NT5DC1: variants seen among roughly 807,000 people sequenced by gnomAD.
NT5DC1 encodes 5'-nucleotidase domain containing 1, also known as 5'-nucleotidase domain-containing protein 1.
A neutral mutation model predicts 59.4 loss-of-function variants in NT5DC1; 42 were observed. The observed-to-expected ratio is 0.71, with a 90% CI of 0.55 to 0.92. The LOEUF is 0.92. Ranked by LOEUF, NT5DC1 falls within the 40% of genes least tolerant of loss-of-function variation. NT5DC1 has a pLI of 0.00. For synonymous variants in NT5DC1, 172 were observed against 188.1 expected, an observed-to-expected ratio of 0.91 and a Z score of 0.70; for missense variants, 501 against 537.1, an observed-to-expected ratio of 0.93 and a Z score of 0.66.
intron 6 of NT5DC1, among the ~76,000 whole-genome samples, chr6:116,160,779 T>A (rs569808045): frequency 3.4e-4 from 52 of 152,348 alleles, no homozygotes; most frequent in African/African-American, 1.2e-3. Context: ...GCCTTTAATC[T>A]ATCTTCAGTT....
intron 6 of NT5DC1, among the ~76,000 whole-genome samples, chr6:116,154,823 G>A (rs539840822): frequency 1.4e-4 from 21 of 152,226 alleles, no homozygotes; most frequent in Non-Finnish European, 2.6e-4. Context: ...GAGGCATCTT[G>A]TTACTTTCTT....
intron 6 of NT5DC1, chr6:116,119,412 T>C (rs1779038440): frequency 2.0e-5 from 3 of 152,536 alleles, no homozygotes; most frequent in African/African-American, 7.2e-5. Context: ...AAAAGGTTCA[T>C]TGATGAAAGC....
At chr6:116,109,317 G>C (rs906165763) in intron 3 of NT5DC1, among the ~76,000 whole-genome samples, 1 of 152,158 alleles carries the variant, frequency 6.6e-6, no homozygotes, top group Non-Finnish European at 1.5e-5. Context: ...ACCTAGAGCA[G>C]GTGTAGCCCC....
rs1196521672 is a variant in NT5DC1 at position 116,243,893 on chromosome 6, T to A, written c.1253-16T>A. 4 of 1,042,364 alleles carry A rather than the reference T, an allele frequency of 3.8e-6. No individual in the cohort carries two copies. Among genetic ancestry groups the A allele is most frequent in the Non-Finnish European group, 5.8e-6 (4 of 684,898 alleles). 64.6% of individuals were successfully genotyped at this position (1,042,364 alleles called of 1,614,324 possible). ...CAGAGACCTGTGCAATAATTAAATT[T>A]TTTTTTCCTCCCCAGAATTACCTCT... On this transcript the variant is annotated splice_polypyrimidine_tract_variant and intron_variant, in intron 11 of 11. Transcript: ENST00000319550.
chr6:116,118,238 A>G (rs944278054), intron 6 of NT5DC1: 1 of 403,222 alleles, frequency 2.5e-6, no homozygotes, highest in Admixed American at 4.1e-5. Flanking sequence ...TTGCTTTTTC[A>G]TGGCCTGGGC....
intron 1 of NT5DC1, among the ~76,000 whole-genome samples, chr6:116,104,953 G>C: frequency 6.6e-6 from 1 of 152,038 alleles, no homozygotes; most frequent in South Asian, 2.1e-4. Flanking sequence ...GGAAGCTCTG[G>C]GTAGTTTTAA....
At position 116,247,562 on chromosome 6, in the gene NT5DC1, G is replaced by A. The variant is rs1771873627; in HGVS notation, c.*3538G>A. 6.6e-6 allele frequency: 1 copy of A among 152,050 alleles called. No homozygotes were observed. The highest frequency in any genetic ancestry group is 2.4e-5 in the African/African-American group (1 of 41,392). The allele number at this position is 152,050 out of a possible 1,614,324, so 9.4% of individuals were successfully genotyped here. On this transcript the variant is annotated 3_prime_UTR_variant, in exon 12 of 12. Coordinates refer to ENST00000319550, the MANE Select transcript of NT5DC1 (RefSeq NM_152729.3). ...GTATATCTGGGCCTATAGAGAAGTT[G>A]GGTCATTACTTAGAATGACAACTGG...
intron 6 of NT5DC1, among the ~76,000 whole-genome samples, chr6:116,159,264 A>T (rs1780275309): frequency 6.6e-6 from 1 of 152,140 alleles, no homozygotes; most frequent in African/African-American, 2.4e-5. Context: ...ATTTCACCGT[A>T]TGAGGTTTAT....
intron 6 of NT5DC1, among the ~76,000 whole-genome samples, chr6:116,207,161 A>G (rs1260729867): frequency 6.6e-6 from 1 of 151,994 alleles, no homozygotes; most frequent in Non-Finnish European, 1.5e-5. Context: ...ATTAATAACT[A>G]TACCTATTCC....
At chr6:116,225,011 G>C (rs890236022) in intron 8 of NT5DC1, among the ~76,000 whole-genome samples, 1 of 152,078 alleles carries the variant, frequency 6.6e-6, no homozygotes, top group Non-Finnish European at 1.5e-5. Context: ...CAGAGGGCTC[G>C]GTGATACTTA....
chr6:116,161,477 G>A (rs1443766644), intron 6 of NT5DC1, among the ~76,000 whole-genome samples: 1 of 152,062 alleles, frequency 6.6e-6, no homozygotes, highest in Non-Finnish European at 1.5e-5. Flanking sequence ...TTTCCCAGCA[G>A]TATTTATTGA....
chr6:116,185,014 C>G (rs1780965467), intron 6 of NT5DC1, among the ~76,000 whole-genome samples: 1 of 151,822 alleles, frequency 6.6e-6, no homozygotes, highest in South Asian at 2.1e-4. Flanking sequence ...GTGAACTTCC[C>G]TCTTAGCACT....
At chr6:116,222,575 C>T (rs541605785) in intron 7 of NT5DC1, among the ~76,000 whole-genome samples, 1 of 152,178 alleles carries the variant, frequency 6.6e-6, no homozygotes, top group Non-Finnish European at 1.5e-5. Flanking sequence ...GTCTTCTTCA[C>T]ATTTGAAGCA....
chr6:116,136,619 A>T (rs554416345), intron 6 of NT5DC1, among the ~76,000 whole-genome samples: 2 of 152,276 alleles, frequency 1.3e-5, no homozygotes, highest in East Asian at 3.9e-4. Flanking sequence ...ATTTGAGTCA[A>T]ATTTCATTTG....
At chr6:116,118,729 C>G (rs937079410) in intron 6 of NT5DC1, among the ~76,000 whole-genome samples, 3 of 152,144 alleles carry the variant, frequency 2.0e-5, no homozygotes, top group Non-Finnish European at 4.4e-5. Flanking sequence ...TCTTTCCCTC[C>G]CAGGAGAAAA....
Position 116,244,605 on chromosome 6 carries a change from A to C in NT5DC1, c.*581A>C, listed in dbSNP as rs947872625. ...TCTTTTATATGCCCTAGGAAAGTAC[A>C]ACCAGAATTGAAAACCAACTGATCT... On this transcript the variant is annotated 3_prime_UTR_variant, in exon 12 of 12. Transcript: ENST00000319550. 1.3e-5 allele frequency: 2 copies of C among 152,244 alleles called. No individual in the cohort carries two copies. The highest frequency in any genetic ancestry group is 2.9e-5 in the Non-Finnish European group (2 of 68,040). 9.4% of individuals were successfully genotyped at this position (152,244 alleles called of 1,614,324 possible). A position where few individuals can be genotyped will look rare whatever the true frequency, so the allele number is the denominator to read the frequency against.
chr6:116,121,748 T>A (rs771421027), intron 6 of NT5DC1: 1 of 1,613,806 alleles, frequency 6.2e-7, no homozygotes, highest in East Asian at 2.2e-5. Flanking sequence ...TTTTGGTCCA[T>A]ATGGTCCTCT....
intron 6 of NT5DC1, among the ~76,000 whole-genome samples, chr6:116,220,832 C>T (rs575442066): frequency 1.1e-3 from 131 of 124,142 alleles, no homozygotes; most frequent in African/African-American, 5.2e-3. Context: ...GTCAAATAGC[C>T]AGCGAATATT....
At chr6:116,113,076 C>G (rs1219871071) in intron 4 of NT5DC1, among the ~76,000 whole-genome samples, 1 of 152,102 alleles carries the variant, frequency 6.6e-6, no homozygotes, top group East Asian at 1.9e-4. Context: ...AGAGCAAATC[C>G]CTTTGAACTT....
Sources: allele counts gnomAD v4.1 joint callset (sites outside exome capture counted in the v4.1 genomes callset), GRCh38; gene constraint gnomAD v4.1.1; transcripts MANE v1.5; gene names NCBI Gene and HGNC (gene_info 2026-07-23, HGNC 2026-07-21).